Variants in NFIA observed in about 807,000 individuals in gnomAD.
NFIA encodes nuclear factor I A.
A neutral mutation model predicts 62.8 loss-of-function variants in NFIA; 8 were observed. That is an observed-to-expected ratio of 0.13 (90% CI 0.07 to 0.23). NFIA has a LOEUF of 0.23. Ranked by LOEUF, NFIA falls within the 10% of genes least tolerant of loss-of-function variation. The pLI, the probability that NFIA is intolerant of heterozygous loss-of-function variation, is 1.00. For synonymous variants in NFIA, 235 were observed against 238.1 expected (o/e 0.99, Z 0.12); for missense variants, 410 against 642.1 (o/e 0.64, Z 3.91).
At chr1:61,281,984 AAAAC>A (rs753042468) in intron 3 of NFIA, among the ~76,000 whole-genome samples, 6 of 152,184 alleles carry the variant, frequency 3.9e-5, no homozygotes, top group Non-Finnish European at 4.4e-5. Flanking sequence ...GATTTTAAGA[AAAAC>A]AAACAAACAA....
intron 6 of NFIA, among the ~76,000 whole-genome samples, chr1:61,371,886 G>C (rs376916100): frequency 6.6e-6 from 1 of 152,142 alleles, no homozygotes; most frequent in East Asian, 1.9e-4. Context: ...CTTGTCTAAA[G>C]ACCTTTCCCT....
At chr1:61,291,521 ATTGT>A (rs1658880372) in intron 3 of NFIA, among the ~76,000 whole-genome samples, 2 of 152,160 alleles carry the variant, frequency 1.3e-5, no homozygotes, top group African/African-American at 4.8e-5. Context: ...TAAACTTTAG[ATTGT>A]TTGAATATGT....
upstream of NFIA, among the ~76,000 whole-genome samples, chr1:61,080,156 C>G (rs868106507): frequency 2.0e-5 from 3 of 152,048 alleles, no homozygotes; most frequent in East Asian, 1.9e-4. Context: ...AAAAGTCTTA[C>G]GAAGGGCGCC....
intron 3 of NFIA, among the ~76,000 whole-genome samples, chr1:61,308,961 C>T (rs975612477): frequency 5.9e-5 from 9 of 152,118 alleles, no homozygotes; most frequent in Non-Finnish European, 2.9e-5. Flanking sequence ...CTCCAGAAGC[C>T]GTAAGAAATC....
At chr1:61,352,690 T>G (rs959609607) in intron 5 of NFIA, 123 bp downstream of exon 5, 2 of 820,642 alleles carry the variant, frequency 2.4e-6, no homozygotes, top group Non-Finnish European at 4.1e-6. Context: ...AAGTAGTGGG[T>G]TCAGCCCCAA....
At chr1:61,089,714 T>TTTTTTTTA (rs1281807986) in intron 2 of NFIA, among the ~76,000 whole-genome samples, 2 of 149,344 alleles carry the variant, frequency 1.3e-5, no homozygotes, top group Non-Finnish European at 3.0e-5. Context: ...TTTTTTTTTT[T>TTTTTTTTA]ACAAAGGAGA....
chr1:61,126,295 A>C (rs2100479928), intron 2 of NFIA, among the ~76,000 whole-genome samples: 1 of 152,256 alleles, frequency 6.6e-6, no homozygotes, highest in South Asian at 2.1e-4. Context: ...GCCTCCCATT[A>C]ACATCTCTCA....
intron 9 of NFIA, among the ~76,000 whole-genome samples, chr1:61,410,456 G>A (rs141192154): frequency 2.0e-4 from 30 of 152,312 alleles, no homozygotes; most frequent in African/African-American, 6.7e-4. Flanking sequence ...GCAAGAAGGA[G>A]CATCATGACA....
chr1:61,428,417 T>C (rs544383446), intron 10 of NFIA, among the ~76,000 whole-genome samples: 1 of 150,712 alleles, frequency 6.6e-6, no homozygotes, highest in Admixed American at 6.6e-5. Flanking sequence ...TGTTAAATAT[T>C]TGGCGTCATG....
chr1:61,151,701 T>C (rs919804188), intron 2 of NFIA, among the ~76,000 whole-genome samples: 1 of 152,168 alleles, frequency 6.6e-6, no homozygotes, highest in Non-Finnish European at 1.5e-5. Flanking sequence ...GTCCAGCAAC[T>C]GCTTTGACCG....
intron 3 of NFIA, among the ~76,000 whole-genome samples, chr1:61,310,386 A>G (rs1182908333): frequency 6.6e-6 from 1 of 152,170 alleles, no homozygotes; most frequent in Non-Finnish European, 1.5e-5. Context: ...CACTTTACCC[A>G]AGCTCCAGTG....
chr1:61,223,527 AC>A (rs1654147126), intron 2 of NFIA, among the ~76,000 whole-genome samples: 1 of 151,968 alleles, frequency 6.6e-6, no homozygotes, highest in Non-Finnish European at 1.5e-5. Flanking sequence ...CTACTTGGAA[AC>A]TCCACAAATT....
At chr1:61,182,359 A>G (rs1280820508) in intron 2 of NFIA, among the ~76,000 whole-genome samples, 1 of 152,244 alleles carries the variant, frequency 6.6e-6, no homozygotes, top group Non-Finnish European at 1.5e-5. Flanking sequence ...TCGAACACAG[A>G]TCAAACTTAG....
At chr1:61,087,264 C>G (rs1401888341) in intron 1 of NFIA, among the ~76,000 whole-genome samples, 1 of 151,762 alleles carries the variant, frequency 6.6e-6, no homozygotes, top group Non-Finnish European at 1.5e-5. Flanking sequence ...GAGAAAAATC[C>G]TGAAATAGTA....
chr1:61,119,382 T>C (rs1321284957), intron 2 of NFIA, among the ~76,000 whole-genome samples: 1 of 152,230 alleles, frequency 6.6e-6, no homozygotes, highest in Non-Finnish European at 1.5e-5. Context: ...ATATACACTT[T>C]TAGAAATAGC....
In NFIA at chr1:61,456,493, A is replaced by G. The variant is rs1668306983; in HGVS notation, c.*1173A>G. 1 of 152,174 alleles carries G rather than the reference A, an allele frequency of 6.6e-6. No homozygotes were observed. Among genetic ancestry groups the G allele is most frequent in the Non-Finnish European group, 1.5e-5 (1 of 67,946 alleles). The allele number at this position is 152,174 out of a possible 1,614,324, so 9.4% of individuals were successfully genotyped here. ...CACATGACTAAAATGAAATCATGGT[A>G]TCTGTTAATTTTATAAGCTAGAAGT... On this transcript the variant is annotated 3_prime_UTR_variant, in exon 11 of 11. Coordinates refer to ENST00000403491, the MANE Select transcript of NFIA (RefSeq NM_001134673.4).
chr1:61,388,202 G>A (rs2100494304), intron 7 of NFIA, among the ~76,000 whole-genome samples: 1 of 152,272 alleles, frequency 6.6e-6, no homozygotes, highest in East Asian at 1.9e-4. Flanking sequence ...ATAGGGGGAA[G>A]ATATTAAATT....
intron 3 of NFIA, among the ~76,000 whole-genome samples, chr1:61,305,077 ATAAAG>A (rs1659692884): frequency 1.3e-5 from 2 of 152,220 alleles, no homozygotes; most frequent in Admixed American, 1.3e-4. Context: ...ATAGTGTAGT[ATAAAG>A]TAAGTCAGGG....
At chr1:61,129,686 G>A (rs1232993011) in intron 2 of NFIA, among the ~76,000 whole-genome samples, 2 of 151,816 alleles carry the variant, frequency 1.3e-5, no homozygotes, top group Non-Finnish European at 2.9e-5. Context: ...CTGACCTCAA[G>A]TGATCCGCCC....
Sources: gnomAD v4.1 joint callset for allele counts (sites outside exome capture counted in the v4.1 genomes callset) on GRCh38, gnomAD v4.1.1 for gene constraint, MANE v1.5 for transcripts, NCBI Gene and HGNC (gene_info 2026-07-23, HGNC 2026-07-21) for gene names.